ULK4: variants seen among roughly 807,000 people sequenced by gnomAD.
ULK4 encodes unc-51 like kinase 4.
Under a neutral mutation model 160.6 loss-of-function variants are expected in ULK4, and 133 were observed. That is an observed-to-expected ratio of 0.83 (90% CI 0.72 to 0.96). The LOEUF (loss-of-function observed/expected upper bound fraction) is 0.96. Among genes scored for constraint, ULK4 ranks in the 40% least tolerant of loss-of-function variants. ULK4 has a pLI of 0.00. For synonymous variants in ULK4, 534 were observed against 539.8 expected (o/e 0.99, Z 0.15); for missense variants, 1,580 against 1,499.5 (o/e 1.05, Z -0.89).
At position 41,431,547 on chromosome 3, in the gene ULK4, C is replaced by CATTTTTTTTTTTTTTT. The variant is rs563543377; in HGVS notation, c.3492+23949_3492+23950insAAAAAAAAAAAAAAAT. Among the ~76,000 whole-genome samples, 560 of 95,802 alleles carry CATTTTTTTTTTTTTTT rather than the reference C, an allele frequency of 5.8e-3. 32 individuals carry two copies. The highest frequency in any genetic ancestry group is 0.021 in the African/African-American group (503 of 23,632). The allele number at this position is 95,802 out of a possible 152,430, so 62.8% of individuals were successfully genotyped here. ...CCTGTGAGGTGTTGTAATTCCCTCC[C>CATTTTTTTTTTTTTTT]TTTTTTTTTTTTTTTGATGTGGAAA... On this transcript the variant is annotated intron_variant, in intron 34 of 36. Transcript: ENST00000301831.
chr3:41,574,920 A>G (rs938200244), intron 31 of ULK4, among the ~76,000 whole-genome samples: 53 of 142,734 alleles, frequency 3.7e-4, no homozygotes, highest in Middle Eastern at 3.4e-3. Flanking sequence ...CTGTAGGCCA[A>G]CACAGGAAAC....
Position 41,907,941 on chromosome 3 carries a change from A to G in ULK4, c.1086T>C (p.Ser362=). The part of the protein sequence containing the change: ...GQLNESMFLL[S]SRPTPRTSTA... Reference sequence around the variant, plus strand: ...TGCTAGTTCTGGGAGTAGGACGAGAACTGAAAAATACAAACCAGTTAACAT... The same window carrying G: ...TGCTAGTTCTGGGAGTAGGACGAGAGCTGAAAAATACAAACCAGTTAACAT... Residue 362 remains serine, a splice_region_variant and synonymous_variant, in exon 12 of 37, where the codon AGT becomes AGC. Transcript: ENST00000301831. 1 of 1,595,370 alleles carries G rather than the reference A, an allele frequency of 6.3e-7. No individual in the cohort carries two copies. Among genetic ancestry groups the G allele is most frequent in the African/African-American group, 1.3e-5 (1 of 74,104 alleles).
In ULK4 at chr3:41,504,457, AGGCTTGCAGATTG is replaced by A. The variant is rs1444402230; in HGVS notation, c.3227-41217_3227-41205del. On this transcript the variant is annotated intron_variant, in intron 32 of 36. Coordinates refer to ENST00000301831, the MANE Select transcript of ULK4 (RefSeq NM_017886.4). ...ATAAAAGCCATTTCTGTTATGACTC[AGGCTTGCAGATTG>A]ACATATGCAAATATGGAAGTGTAGA... Among the ~76,000 whole-genome samples, 7 of 152,230 alleles carry A rather than the reference AGGCTTGCAGATTG, an allele frequency of 4.6e-5. No individual in the cohort carries two copies. The South Asian group carries it at 8.3e-4, about 18-fold the overall frequency.
intron 12 of ULK4, among the ~76,000 whole-genome samples, chr3:41,901,424 C>T (rs377135318): frequency 2.3e-3 from 337 of 149,404 alleles, no homozygotes; most frequent in African/African-American, 7.3e-3. Context: ...TCATGATCCA[C>T]CTGCCTCGGC....
In ULK4 at chr3:41,863,650, G is replaced by A. The variant is rs572725394; in HGVS notation, c.1656+20224C>T. On this transcript the variant is annotated intron_variant, in intron 17 of 36. Coordinates refer to ENST00000301831, the MANE Select transcript of ULK4 (RefSeq NM_017886.4). ...GTTATTCAGGGCCCAAAGGCTCTTCGGTTCACAGGTAATGAATGCTGACAG... is the reference window on the plus strand; with the variant it reads ...GTTATTCAGGGCCCAAAGGCTCTTCAGTTCACAGGTAATGAATGCTGACAG... Among the ~76,000 whole-genome samples, 18 of 151,956 alleles carry A rather than the reference G, an allele frequency of 1.2e-4. No individual in the cohort carries two copies. The South Asian group carries it at 1.3e-3, about 11-fold the overall frequency.
At chr3:41,540,298 T>C (rs2086651322) in intron 32 of ULK4, among the ~76,000 whole-genome samples, 2 of 150,600 alleles carry the variant, frequency 1.3e-5, no homozygotes, top group African/African-American at 4.9e-5. Context: ...GTTTGGTTTC[T>C]GTTCTTGTGA....
At chr3:41,866,950 G>A (rs1484550349) in intron 17 of ULK4, among the ~76,000 whole-genome samples, 1 of 152,100 alleles carries the variant, frequency 6.6e-6, no homozygotes, top group East Asian at 1.9e-4. Flanking sequence ...CTATCTCCCA[G>A]TCTTGACGTT....
chr3:41,882,359 G>A, intron 17 of ULK4: 1 of 690,026 alleles, frequency 1.4e-6, no homozygotes, highest in East Asian at 2.7e-5. Flanking sequence ...AGAACAATGG[G>A]GTTTGGAAAT....
chr3:41,291,471 A>AGGG lies in ULK4; in HGVS notation c.3679-41898_3679-41897insCCC, dbSNP rs1559507695. On this transcript the variant is annotated intron_variant, in intron 35 of 36. Coordinates refer to ENST00000301831, the MANE Select transcript of ULK4 (RefSeq NM_017886.4). ...AGAGGGGAGGGAAGAAGAGGAGGGG[A>AGGG]AGGAGAGGAGGAAAGAAGGAAGAAA... is the stretch of plus-strand genomic sequence containing the variant. Among the ~76,000 whole-genome samples, 5 of 122,998 alleles carry AGGG rather than the reference A, an allele frequency of 4.1e-5. 1 individual carries two copies. The highest frequency in any genetic ancestry group is 1.1e-4 in the African/African-American group (3 of 26,950). 80.7% of individuals were successfully genotyped at this position (122,998 alleles called of 152,430 possible). A position where few individuals can be genotyped will look rare whatever the true frequency, so the allele number is the denominator to read the frequency against.
At chr3:41,401,946 G>A (rs1430176351) in intron 34 of ULK4, among the ~76,000 whole-genome samples, 1 of 152,062 alleles carries the variant, frequency 6.6e-6, no homozygotes, top group Non-Finnish European at 1.5e-5. Flanking sequence ...TAGCACACTA[G>A]GATCTTTTTC....
At chr3:41,861,859 T>A (rs187162638) in intron 17 of ULK4, among the ~76,000 whole-genome samples, 2 of 152,150 alleles carry the variant, frequency 1.3e-5, no homozygotes, top group Non-Finnish European at 2.9e-5. Flanking sequence ...TCTCACTCTG[T>A]CACCCAGGCT....
At chr3:41,292,836 C>T (rs746372170) in intron 35 of ULK4, among the ~76,000 whole-genome samples, 40 of 151,786 alleles carry the variant, frequency 2.6e-4, no homozygotes, top group Admixed American at 2.6e-3. Context: ...CCCAGCTACT[C>T]GGGAGGCTGA....
chr3:41,821,075 CCCT>C (rs1466952460), intron 18 of ULK4, among the ~76,000 whole-genome samples: 2 of 152,180 alleles, frequency 1.3e-5, no homozygotes, highest in Non-Finnish European at 2.9e-5. Flanking sequence ...GCCCTTCTTT[CCCT>C]CAACAGATCA....
At chr3:41,368,265 G>A (rs943388864) in intron 35 of ULK4, among the ~76,000 whole-genome samples, 1 of 151,896 alleles carries the variant, frequency 6.6e-6, no homozygotes, top group Admixed American at 6.6e-5. Flanking sequence ...TAGCCAGGAT[G>A]GTCTCAATCT....
chr3:41,751,560 C>A (rs983973414), intron 22 of ULK4, among the ~76,000 whole-genome samples: 4 of 152,122 alleles, frequency 2.6e-5, no homozygotes, highest in African/African-American at 9.7e-5. Flanking sequence ...CAGGGGCATG[C>A]CTTCAGACCA....
intron 34 of ULK4, among the ~76,000 whole-genome samples, chr3:41,446,762 GAT>G (rs1303617966): frequency 2.0e-5 from 3 of 150,724 alleles, no homozygotes; most frequent in Non-Finnish European, 4.4e-5. Context: ...AGCATTAGGA[GAT>G]ATACCTAATG....
chr3:41,431,547 C>CTTTTTTTTTTTTTTTTTTTTTT (rs1553664758), intron 34 of ULK4, among the ~76,000 whole-genome samples: 2,389 of 95,334 alleles, frequency 0.025, 295 homozygotes, highest in East Asian at 0.091. Flanking sequence ...AATTCCCTCC[C>CTTTTTTTTTTTTTTTTTTTTTT]TTTTTTTTTT....
At chr3:41,642,620 C>T (rs974727421) in intron 30 of ULK4, among the ~76,000 whole-genome samples, 4 of 152,160 alleles carry the variant, frequency 2.6e-5, no homozygotes, top group African/African-American at 4.8e-5. Flanking sequence ...TCTAAGTCTT[C>T]GCTATTGTGA....
At chr3:41,944,237 G>C (rs1017316939) in intron 2 of ULK4, among the ~76,000 whole-genome samples, 4 of 152,240 alleles carry the variant, frequency 2.6e-5, no homozygotes, top group Admixed American at 2.6e-4. Context: ...AGAGAAGAAT[G>C]ACAGGGAATT....
Sources: gnomAD v4.1 joint callset for allele counts (sites outside exome capture counted in the v4.1 genomes callset) on GRCh38, gnomAD v4.1.1 for gene constraint, MANE v1.5 for transcripts, NCBI Gene and HGNC (gene_info 2026-07-23, HGNC 2026-07-21) for gene names.